CNTN4: variants seen among roughly 807,000 people sequenced by gnomAD.
The protein encoded by CNTN4 is contactin 4, also known as contactin-4.
Under a neutral mutation model 122.5 loss-of-function variants are expected in CNTN4, and 77 were observed. The observed-to-expected ratio is 0.63, with a 90% CI of 0.52 to 0.76. The LOEUF (loss-of-function observed/expected upper bound fraction) is 0.76, where lower values mean the gene tolerates loss of function less well. Ranked by LOEUF, CNTN4 falls within the 30% of genes least tolerant of loss-of-function variation. The pLI, the probability that CNTN4 is intolerant of heterozygous loss-of-function variation, is 0.00. For missense variants in CNTN4, 1,256 were observed against 1,259.1 expected (o/e 1.00, Z 0.04); for synonymous variants, 512 against 447.0 (o/e 1.15, Z -1.83).
At chr3:2,739,173 T>C (rs1360991367) in intron 5 of CNTN4, among the ~76,000 whole-genome samples, 1 of 152,096 alleles carries the variant, frequency 6.6e-6, no homozygotes, top group Admixed American at 6.5e-5. Context: ...AAATATATAA[T>C]TAAAACTACA....
At chr3:2,465,269 T>G (rs903328378) in intron 3 of CNTN4, among the ~76,000 whole-genome samples, 1 of 152,240 alleles carries the variant, frequency 6.6e-6, no homozygotes, top group African/African-American at 2.4e-5. Context: ...ACTAACTAAC[T>G]GTTCATCAAT....
At chr3:2,373,132 G>A (rs2045693524) in intron 3 of CNTN4, among the ~76,000 whole-genome samples, 1 of 152,184 alleles carries the variant, frequency 6.6e-6, no homozygotes, top group African/African-American at 2.4e-5. Context: ...ACTTTTTAAG[G>A]TAGGGAAGAA....
At chr3:2,777,710 A>T (rs1463666436) in intron 6 of CNTN4, among the ~76,000 whole-genome samples, 2 of 152,190 alleles carry the variant, frequency 1.3e-5, no homozygotes, top group African/African-American at 4.8e-5. Flanking sequence ...TCAAGTGGCC[A>T]GTTCTAATGT....
At chr3:2,317,872 T>G (rs2043158900) in intron 2 of CNTN4, among the ~76,000 whole-genome samples, 1 of 152,156 alleles carries the variant, frequency 6.6e-6, no homozygotes, top group Non-Finnish European at 1.5e-5. Context: ...ACTAACGTCG[T>G]TTGAAAGTGT....
intron 3 of CNTN4, among the ~76,000 whole-genome samples, chr3:2,533,691 G>T (rs1424672959): frequency 6.6e-6 from 1 of 152,152 alleles, no homozygotes; most frequent in East Asian, 1.9e-4. Flanking sequence ...TCTAGTTCTA[G>T]ATCCTTGAGG....
intron 4 of CNTN4, among the ~76,000 whole-genome samples, chr3:2,711,783 C>A (rs1328285871): frequency 2.0e-5 from 3 of 152,106 alleles, no homozygotes; most frequent in Non-Finnish European, 4.4e-5. Context: ...TTGTGAAAAC[C>A]TCAGGGAGAA....
At chr3:2,876,984 A>G (rs1250872061) in intron 8 of CNTN4, among the ~76,000 whole-genome samples, 2 of 152,202 alleles carry the variant, frequency 1.3e-5, no homozygotes, top group Non-Finnish European at 2.9e-5. Context: ...TAAAATTGCA[A>G]ATTCATAGGC....
rs2093988910 is a variant in CNTN4 at position 2,887,231 on chromosome 3, G to A, written c.940+7G>A. ...GGACAGCTAACTTTCTATGGTAAGT[G>A]TATGATTTCAGTTTATCATTTATAG... is the stretch of plus-strand genomic sequence containing the variant. On this transcript the variant is annotated splice_region_variant and intron_variant, in intron 10 of 24. Transcript: ENST00000418658. 6.2e-7 allele frequency: 1 copy of A among 1,610,834 alleles called. No homozygotes were observed. Among genetic ancestry groups the A allele is most frequent in the Non-Finnish European group, 8.5e-7 (1 of 1,179,130 alleles).
chr3:2,948,343 T>C (rs2094700738), intron 13 of CNTN4, among the ~76,000 whole-genome samples: 1 of 152,120 alleles, frequency 6.6e-6, no homozygotes, highest in Admixed American at 6.5e-5. Flanking sequence ...CTGAAGTTTG[T>C]GATGCAAAGT....
At chr3:2,290,307 G>C (rs953071046) in intron 2 of CNTN4, among the ~76,000 whole-genome samples, 3 of 152,186 alleles carry the variant, frequency 2.0e-5, no homozygotes, top group African/African-American at 7.2e-5. Context: ...AATATCCAGA[G>C]TGATTATGAG....
At chr3:2,652,641 C>A (rs567511058) in intron 4 of CNTN4, among the ~76,000 whole-genome samples, 2 of 151,864 alleles carry the variant, frequency 1.3e-5, no homozygotes, top group African/African-American at 2.4e-5. Context: ...TCAGCAGGGG[C>A]CCAGAGCACA....
At chr3:2,369,686 T>TA (rs1329076808) in intron 3 of CNTN4, among the ~76,000 whole-genome samples, 1 of 152,024 alleles carries the variant, frequency 6.6e-6, no homozygotes, top group African/African-American at 2.4e-5. Flanking sequence ...AAATTGGAAA[T>TA]ATATTTACAT....
At position 2,784,212 on chromosome 3, in the gene CNTN4, C is replaced by T. The variant is rs570874670; in HGVS notation, c.359-35274C>T. On this transcript the variant is annotated intron_variant, in intron 6 of 24. Coordinates refer to ENST00000418658, the MANE Select transcript of CNTN4 (RefSeq NM_175607.3). ...CGGGTATGTAACATGAATGAGTGAA[C>T]GGGGAATGGATACAAGGCCAAAAGA... is the stretch of plus-strand genomic sequence containing the variant. 1.7e-4 allele frequency among the ~76,000 whole-genome samples: 26 copies of T among 152,096 alleles called. 1 individual carries two copies. In the South Asian group the frequency reaches 4.4e-3, roughly 25 times the overall value.
intron 3 of CNTN4, among the ~76,000 whole-genome samples, chr3:2,536,448 T>A (rs2077809334): frequency 6.6e-6 from 1 of 152,138 alleles, no homozygotes; most frequent in Non-Finnish European, 1.5e-5. Context: ...GAGCTTGACC[T>A]GAAAGTCATT....
At chr3:2,878,597 G>T (rs979716419) in intron 8 of CNTN4, among the ~76,000 whole-genome samples, 13 of 151,304 alleles carry the variant, frequency 8.6e-5, no homozygotes, top group African/African-American at 2.4e-4. Context: ...GTGTCTTTCT[G>T]TCTGTCTGTC....
chr3:2,656,976 A>G (rs1319400592), intron 4 of CNTN4, among the ~76,000 whole-genome samples: 1 of 152,188 alleles, frequency 6.6e-6, no homozygotes, highest in African/African-American at 2.4e-5. Flanking sequence ...ATAATGAAAA[A>G]TAGTTTAAGA....
intron 3 of CNTN4, among the ~76,000 whole-genome samples, chr3:2,384,221 T>A (rs1486134163): frequency 6.6e-6 from 1 of 152,160 alleles, no homozygotes; most frequent in East Asian, 1.9e-4. Context: ...TATGTTGTTG[T>A]ACAGGAACAA....
Position 2,604,824 on chromosome 3 carries a change from CCCT to C in CNTN4, c.55+33267_55+33269del, listed in dbSNP as rs2081192051. ...TCACCTCCATAAGTTTTCTCCTGCC[CCCT>C]TGTTGTTGTTTTTATTTTGTTTTGA... On this transcript the variant is annotated intron_variant, in intron 4 of 24. Transcript: ENST00000418658. Among the ~76,000 whole-genome samples, 8 of 152,090 alleles carry C rather than the reference CCCT, an allele frequency of 5.3e-5. 1 individual carries two copies. The South Asian group carries it at 1.7e-3, about 32-fold the overall frequency.
chr3:3,047,748 G>C (rs978791803), intron 23 of CNTN4, among the ~76,000 whole-genome samples: 41 of 150,760 alleles, frequency 2.7e-4, no homozygotes, highest in African/African-American at 9.8e-4. Context: ...ACATTCAAAA[G>C]CTAGCAGAAG....
Sources: gnomAD v4.1 joint callset for allele counts (sites outside exome capture counted in the v4.1 genomes callset) on GRCh38, gnomAD v4.1.1 for gene constraint, MANE v1.5 for transcripts, NCBI Gene and HGNC (gene_info 2026-07-23, HGNC 2026-07-21) for gene names.